ZNF644: variants seen among roughly 807,000 people sequenced by gnomAD.
ZNF644 encodes zinc finger protein 644, also known as zinc finger motif enhancer binding protein 2.
ZNF644 carries 20 observed loss-of-function variants against 108.0 expected under a neutral mutation model. The ratio of observed to expected loss-of-function variants is 0.19; its 90% CI spans 0.13 to 0.27. ZNF644 has a LOEUF of 0.27. Ranked by LOEUF, ZNF644 falls within the 10% of genes least tolerant of loss-of-function variation. The pLI is 1.00. For missense variants in ZNF644, 1,338 were observed against 1,548.9 expected, an observed-to-expected ratio of 0.86 and a Z score of 2.29; for synonymous variants, 542 against 539.1, an observed-to-expected ratio of 1.01 and a Z score of -0.08.
intron 1 of ZNF644, among the ~76,000 whole-genome samples, chr1:91,007,225 G>T (rs12727471): frequency 0.2 from 10,677 of 54,262 alleles, 638 homozygotes; most frequent in Middle Eastern, 0.29. Context: ...CTCCCATTTT[G>T]TTTTTTTTTT....
chr1:90,942,540 C>G (rs1420124638), intron 2 of ZNF644, among the ~76,000 whole-genome samples: 5 of 152,108 alleles, frequency 3.3e-5, no homozygotes, highest in African/African-American at 1.2e-4. Context: ...CATAGGTGCT[C>G]AGGCAATATT....
At chr1:91,003,241 T>C (rs1285186313) in intron 1 of ZNF644, among the ~76,000 whole-genome samples, 10 of 151,976 alleles carry the variant, frequency 6.6e-5, no homozygotes, top group East Asian at 1.9e-4. Flanking sequence ...CGTATGTTTA[T>C]TGCGGCACTA....
intron 1 of ZNF644, among the ~76,000 whole-genome samples, chr1:91,011,939 T>C (rs1407878698): frequency 6.6e-6 from 1 of 152,154 alleles, no homozygotes; most frequent in African/African-American, 2.4e-5. Context: ...ACCTACTTCC[T>C]GGCTATATGC....
At chr1:91,005,257 A>G (rs1283023552) in intron 1 of ZNF644, among the ~76,000 whole-genome samples, 3 of 152,170 alleles carry the variant, frequency 2.0e-5, no homozygotes, top group African/African-American at 7.2e-5. Flanking sequence ...TAACAATAAA[A>G]AGGTCAATCC....
At chr1:91,020,813 A>T in intron 1 of ZNF644, 1 of 68,262 alleles carries the variant, frequency 1.5e-5, no homozygotes, top group Admixed American at 1.4e-4. Context: ...CAAGCGTGGA[A>T]TTAGGACTGG....
intron 2 of ZNF644, chr1:90,972,809 T>A (rs1399076909): frequency 6.6e-6 from 1 of 152,216 alleles, no homozygotes; most frequent in Non-Finnish European, 1.5e-5. Flanking sequence ...TGCAAAATGC[T>A]GTAACATGAA....
intron 2 of ZNF644, among the ~76,000 whole-genome samples, chr1:90,953,067 C>T (rs1211634532): frequency 6.7e-6 from 1 of 149,090 alleles, no homozygotes; most frequent in Non-Finnish European, 1.5e-5. Flanking sequence ...CTCATGCTAT[C>T]AGACTATCTG....
intron 1 of ZNF644, among the ~76,000 whole-genome samples, chr1:91,015,672 G>C (rs1660370724): frequency 6.6e-6 from 1 of 152,064 alleles, no homozygotes; most frequent in South Asian, 2.1e-4. Flanking sequence ...ATTTAACCTG[G>C]TTATAAGATT....
At chr1:91,005,405 A>G (rs1436695808) in intron 1 of ZNF644, among the ~76,000 whole-genome samples, 1 of 152,190 alleles carries the variant, frequency 6.6e-6, no homozygotes, top group Admixed American at 6.5e-5. Context: ...CTTCACATTC[A>G]GTAATGGATA....
intron 2 of ZNF644, among the ~76,000 whole-genome samples, chr1:90,950,324 C>CAAAAGAAAAGAAAAG (rs749730687): frequency 0.027 from 1,704 of 63,204 alleles, 17 homozygotes; most frequent in African/African-American, 0.049. Flanking sequence ...GAAAAGAAAA[C>CAAAAGAAAAGAAAAG]AAAAGAAAAG....
At chr1:90,957,802 G>C (rs1653898506) in intron 2 of ZNF644, among the ~76,000 whole-genome samples, 1 of 151,962 alleles carries the variant, frequency 6.6e-6, no homozygotes, top group Admixed American at 6.6e-5. Flanking sequence ...TAAATAAAAG[G>C]CATCCAAATT....
rs765972790 is a variant in ZNF644, at chr1:90,939,104, G to T, written c.2250C>A (p.Ile750=). ...CAGGATATGATTCACCTGATTTTTTGATCATCCTATAGTTTTCATATTTGT... is the reference window on the plus strand; with the variant it reads ...CAGGATATGATTCACCTGATTTTTTTATCATCCTATAGTTTTCATATTTGT... ...YRHKYENYRM[I]KKSGESYPVH... Residue 750 remains isoleucine, a synonymous_variant, in exon 3 of 6, where the codon ATC becomes ATA. Coordinates refer to ENST00000337393, the MANE Select transcript of ZNF644 (RefSeq NM_201269.3). 1.1e-5 allele frequency: 17 copies of T among 1,613,818 alleles called. No individual in the cohort carries two copies. The Admixed American group carries it at 2.8e-4, about 27-fold the overall frequency.
chr1:90,948,784 C>T (rs1175453534), intron 2 of ZNF644, among the ~76,000 whole-genome samples: 2 of 152,126 alleles, frequency 1.3e-5, no homozygotes, highest in African/African-American at 4.8e-5. Context: ...CCAACAGAAC[C>T]CTTACCAGCA....
At chr1:90,994,774 G>A (rs1474315881) in intron 1 of ZNF644, among the ~76,000 whole-genome samples, 1 of 151,866 alleles carries the variant, frequency 6.6e-6, no homozygotes, top group Non-Finnish European at 1.5e-5. Flanking sequence ...AAAACCACAG[G>A]GCAAAATTGG....
intron 4 of ZNF644, among the ~76,000 whole-genome samples, chr1:90,936,931 T>C (rs1202381598): frequency 6.6e-6 from 1 of 152,162 alleles, no homozygotes; most frequent in Non-Finnish European, 1.5e-5. Flanking sequence ...AAAACCAAAC[T>C]ATTCCGCAAT....
Position 90,941,071 on chromosome 1 carries a change from A to C in ZNF644, c.283T>G (p.Phe95Val), listed in dbSNP as rs773181665. 10 of 1,614,144 alleles carry C rather than the reference A, an allele frequency of 6.2e-6. No homozygotes were observed. In the East Asian group the frequency reaches 2.0e-4, roughly 32 times the overall value. The change falls in exon 3 of 6, where the codon TTT becomes GTT. Residue 95 changes from phenylalanine to valine, a missense_variant. Physicochemically the swap from Phe to Val is conservative, Grantham distance 50. Transcript: ENST00000337393. ...ACAGTAGGAGCACCAGCATGTATAA[A>C]TAGACTAGACTGGCCTCCACTTAAG... ...NALSGGQSSLFIHAGAPTVSS... is the reference protein window; with the variant it reads ...NALSGGQSSLVIHAGAPTVSS...
chr1:90,967,470 A>C (rs1179275584), intron 2 of ZNF644, among the ~76,000 whole-genome samples: 1 of 152,158 alleles, frequency 6.6e-6, no homozygotes, highest in Non-Finnish European at 1.5e-5. Flanking sequence ...AACATAAAAC[A>C]TAAAAACCTT....
intron 2 of ZNF644, among the ~76,000 whole-genome samples, chr1:90,964,065 T>A (rs1171567192): frequency 6.6e-6 from 1 of 152,136 alleles, no homozygotes; most frequent in Admixed American, 6.6e-5. Context: ...TGGAACAAAA[T>A]AACTTTCTTG....
intron 4 of ZNF644, 136 bp downstream of exon 4, chr1:90,937,349 T>C (rs561749918): frequency 8.4e-7 from 1 of 1,194,478 alleles, no homozygotes; most frequent in Admixed American, 2.0e-5. Flanking sequence ...GAATAACCAA[T>C]CTGTGCTCTG....
Sources: gnomAD v4.1 joint callset for allele counts (sites outside exome capture counted in the v4.1 genomes callset) on GRCh38, gnomAD v4.1.1 for gene constraint, MANE v1.5 for transcripts, NCBI Gene and HGNC (gene_info 2026-07-23, HGNC 2026-07-21) for gene names.